Variants in LRCH1 observed in about 807,000 individuals in gnomAD.
LRCH1 encodes the protein leucine rich repeats and calponin homology domain containing 1, also known as leucine-rich repeat and calponin homology domain-containing protein 1.
Under a neutral mutation model 94.9 loss-of-function variants are expected in LRCH1, and 23 were observed. That is an observed-to-expected ratio of 0.24 (90% CI 0.17 to 0.34). LRCH1 has a LOEUF of 0.34. Among genes scored for constraint, LRCH1 ranks in the 10% least tolerant of loss-of-function variants. The pLI is 1.00. For missense variants in LRCH1, 790 were observed against 945.9 expected (o/e 0.84, Z 2.16); for synonymous variants, 364 against 354.9 (o/e 1.03, Z -0.29).
intron 1 of LRCH1, among the ~76,000 whole-genome samples, chr13:46,598,857 T>C (rs950583314): frequency 6.6e-6 from 1 of 152,194 alleles, no homozygotes; most frequent in Non-Finnish European, 1.5e-5. Context: ...TTTTTTATAA[T>C]TGCAAAATAC....
At chr13:46,604,451 A>C (rs558706806) in intron 1 of LRCH1, among the ~76,000 whole-genome samples, 2 of 152,190 alleles carry the variant, frequency 1.3e-5, no homozygotes, top group Non-Finnish European at 2.9e-5. Flanking sequence ...AAGGCAGTGG[A>C]ATAAATTAAT....
chr13:46,704,171 G>C (rs1309195158), intron 11 of LRCH1, among the ~76,000 whole-genome samples: 2 of 152,014 alleles, frequency 1.3e-5, no homozygotes, highest in African/African-American at 2.4e-5. Context: ...GTCATGAAAA[G>C]CCCTGGTTTT....
At chr13:46,749,841 C>T (rs1874053330), downstream of LRCH1, among the ~76,000 whole-genome samples, 1 of 152,140 alleles carries the variant, frequency 6.6e-6, no homozygotes, top group Non-Finnish European at 1.5e-5. Flanking sequence ...ATGAAAGGTT[C>T]TGCACACAAG....
At chr13:46,565,074 C>T (rs1008113127) in intron 1 of LRCH1, among the ~76,000 whole-genome samples, 25 of 152,240 alleles carry the variant, frequency 1.6e-4, no homozygotes, top group Admixed American at 7.8e-4. Context: ...TCAGTTTCCT[C>T]GTCATAAAAT....
At chr13:46,665,697 G>T (rs2051505696) in intron 2 of LRCH1, among the ~76,000 whole-genome samples, 1 of 152,138 alleles carries the variant, frequency 6.6e-6, no homozygotes, top group Admixed American at 6.5e-5. Flanking sequence ...TGTAGACTTG[G>T]CTCTGGTGAT....
At chr13:46,750,584 G>A in exon 19 of LRCH1, 1 of 1,552,044 alleles carries the variant, frequency 6.4e-7, no homozygotes, top group Non-Finnish European at 8.7e-7. Context: ...AAAAAGGCCT[G>A]GTCAAAGTGG....
intron 13 of LRCH1, among the ~76,000 whole-genome samples, chr13:46,710,956 TC>T: frequency 6.6e-6 from 1 of 152,242 alleles, no homozygotes; most frequent in Admixed American, 6.5e-5. Context: ...TCAGCCACTG[TC>T]CCTCAATTTC....
At chr13:46,633,119 C>T (rs2051038825) in intron 1 of LRCH1, among the ~76,000 whole-genome samples, 1 of 152,152 alleles carries the variant, frequency 6.6e-6, no homozygotes, top group Admixed American at 6.5e-5. Flanking sequence ...ATCAGTGCTG[C>T]CCTAGCTAAA....
intron 1 of LRCH1, among the ~76,000 whole-genome samples, chr13:46,594,125 T>C (rs116644089): frequency 4.5e-4 from 69 of 152,132 alleles, no homozygotes; most frequent in African/African-American, 1.5e-3. Flanking sequence ...GGGAGTGACA[T>C]TGCAGGCATT....
intron 1 of LRCH1, among the ~76,000 whole-genome samples, chr13:46,606,704 T>A (rs1184701975): frequency 6.6e-6 from 1 of 152,178 alleles, no homozygotes; most frequent in Non-Finnish European, 1.5e-5. Flanking sequence ...CCTGAGTAGT[T>A]GGACTTACAG....
intron 1 of LRCH1, among the ~76,000 whole-genome samples, chr13:46,646,319 A>G (rs12429276): frequency 0.079 from 11,989 of 152,244 alleles, 537 homozygotes; most frequent in East Asian, 0.22. Context: ...CATAATATGT[A>G]TATATTATGT....
intron 3 of LRCH1, among the ~76,000 whole-genome samples, chr13:46,678,260 C>T (rs1356410214): frequency 6.6e-6 from 1 of 152,202 alleles, no homozygotes; most frequent in South Asian, 2.1e-4. Context: ...TATCCCCAAA[C>T]ACCTAGACTA....
At position 46,572,825 on chromosome 13, in the gene LRCH1, TA is replaced by T. The variant is rs536430542; in HGVS notation, c.307+19125del. Among the ~76,000 whole-genome samples, 329 of 152,210 alleles carry T rather than the reference TA, an allele frequency of 2.2e-3. 1 individual carries two copies. Among genetic ancestry groups the T allele is most frequent in the African/African-American group, 7.4e-3 (306 of 41,512 alleles). On this transcript the variant is annotated intron_variant, in intron 1 of 19. Coordinates refer to ENST00000389797, the MANE Select transcript of LRCH1 (RefSeq NM_001164211.2). ...GCAAATATTTATTATCTAGTGTGAG[TA>T]AACTTGCCCATGAGCCCATCCCTTT... is the stretch of plus-strand genomic sequence containing the variant.
chr13:46,751,258 C>G (rs894285760), exon 19 of LRCH1: 1 of 151,888 alleles, frequency 6.6e-6, no homozygotes, highest in Admixed American at 6.6e-5. Flanking sequence ...GAGTTATTTT[C>G]TATCCTCTTT....
At chr13:46,578,528 G>A (rs1406687414) in intron 1 of LRCH1, among the ~76,000 whole-genome samples, 2 of 152,220 alleles carry the variant, frequency 1.3e-5, no homozygotes, top group African/African-American at 4.8e-5. Context: ...TGCATTCTAA[G>A]TGCCTTGCTG....
chr13:46,654,708 A>G (rs536568108), intron 2 of LRCH1, among the ~76,000 whole-genome samples: 14 of 152,358 alleles, frequency 9.2e-5, no homozygotes, highest in Admixed American at 3.3e-4. Flanking sequence ...CTCACACTTA[A>G]GGTAGATGAT....
At chr13:46,636,492 A>G (rs546621678) in intron 1 of LRCH1, among the ~76,000 whole-genome samples, 1 of 152,114 alleles carries the variant, frequency 6.6e-6, no homozygotes, top group Non-Finnish European at 1.5e-5. Context: ...GTAAACATTA[A>G]CACCTCATTT....
chr13:46,688,718 A>C (rs1870745990), intron 6 of LRCH1, among the ~76,000 whole-genome samples: 1 of 152,250 alleles, frequency 6.6e-6, no homozygotes, highest in Non-Finnish European at 1.5e-5. Flanking sequence ...TAATCCCTGG[A>C]TAAAAATTTA....
intron 1 of LRCH1, among the ~76,000 whole-genome samples, chr13:46,624,521 G>T (rs1241152633): frequency 1.3e-5 from 2 of 152,172 alleles, no homozygotes; most frequent in Admixed American, 1.3e-4. Flanking sequence ...GTTGGTGAGA[G>T]AACATGAATG....
Sources: allele counts gnomAD v4.1 joint callset (sites outside exome capture counted in the v4.1 genomes callset), GRCh38; gene constraint gnomAD v4.1.1; transcripts MANE v1.5; gene names NCBI Gene and HGNC (gene_info 2026-07-23, HGNC 2026-07-21).